MCC: variants seen among roughly 807,000 people sequenced by gnomAD.
The protein encoded by MCC is MCC regulator of Wnt signaling pathway.
In MCC, 90 loss-of-function variants were observed where a neutral mutation model predicts 116.2. The observed-to-expected ratio is 0.77, with a 90% CI of 0.65 to 0.92. The LOEUF (loss-of-function observed/expected upper bound fraction) is 0.92, where lower values mean the gene tolerates loss of function less well. MCC is among the 40% of genes least tolerant of loss of function. The pLI, the probability that MCC is intolerant of heterozygous loss-of-function variation, is 0.00. For synonymous variants in MCC, 578 were observed against 510.5 expected, an observed-to-expected ratio of 1.13 and a Z score of -1.78; for missense variants, 1,516 against 1,312.2, an observed-to-expected ratio of 1.16 and a Z score of -2.40.
intron 1 of MCC, among the ~76,000 whole-genome samples, chr5:113,419,370 T>C (rs902764542): frequency 1.3e-5 from 2 of 151,524 alleles, no homozygotes; most frequent in Non-Finnish European, 2.9e-5. Context: ...TTTTTCTTTT[T>C]TTTTTCTTGG....
intron 3 of MCC, among the ~76,000 whole-genome samples, chr5:113,308,145 T>C (rs1156708984): frequency 1.3e-5 from 2 of 152,092 alleles, no homozygotes; most frequent in Non-Finnish European, 2.9e-5. Flanking sequence ...GCTAATTTTT[T>C]ATATATATTG....
At chr5:113,045,935 C>T (rs1180542025) in intron 16 of MCC, among the ~76,000 whole-genome samples, 1 of 152,214 alleles carries the variant, frequency 6.6e-6, no homozygotes, top group East Asian at 1.9e-4. Context: ...AAATGACCCA[C>T]AAGCTCTACA....
intron 2 of MCC, among the ~76,000 whole-genome samples, chr5:113,353,028 C>G (rs764914216): frequency 9.2e-5 from 14 of 152,246 alleles, no homozygotes; most frequent in Non-Finnish European, 1.3e-4. Flanking sequence ...AGGGTTATGG[C>G]TCTGCTTTCT....
At chr5:113,394,764 C>T (rs752302250) in intron 1 of MCC, among the ~76,000 whole-genome samples, 2 of 152,168 alleles carry the variant, frequency 1.3e-5, no homozygotes, top group African/African-American at 2.4e-5. Flanking sequence ...GCTCAAGCTT[C>T]GATCACTTAC....
At chr5:113,039,853 G>C (rs948044599) in intron 17 of MCC, among the ~76,000 whole-genome samples, 1 of 151,984 alleles carries the variant, frequency 6.6e-6, no homozygotes, top group African/African-American at 2.4e-5. Flanking sequence ...AACACCATGT[G>C]AGTACAAAAA....
At chr5:113,122,401 G>A (rs1367483306) in intron 6 of MCC, among the ~76,000 whole-genome samples, 1 of 152,188 alleles carries the variant, frequency 6.6e-6, no homozygotes, top group Non-Finnish European at 1.5e-5. Flanking sequence ...AGATATTACT[G>A]TAATTTGGAA....
At chr5:113,159,267 T>C (rs1048167705) in intron 3 of MCC, among the ~76,000 whole-genome samples, 10 of 152,234 alleles carry the variant, frequency 6.6e-5, no homozygotes, top group Non-Finnish European at 1.3e-4. Context: ...TTCTGCACTA[T>C]GGGCTTTGCA....
intron 1 of MCC, chr5:113,432,961 A>C (rs936008908): frequency 6.6e-6 from 1 of 152,220 alleles, no homozygotes; most frequent in Non-Finnish European, 1.5e-5. Context: ...AGAAAAATCA[A>C]AACTGAATAA....
At chr5:113,055,413 T>C (rs1338672264) in intron 14 of MCC, among the ~76,000 whole-genome samples, 5 of 152,122 alleles carry the variant, frequency 3.3e-5, no homozygotes, top group African/African-American at 1.2e-4. Context: ...AGGCCCACTC[T>C]TGTACATGAC....
chr5:113,241,881 C>T (rs1365866797), intron 3 of MCC, among the ~76,000 whole-genome samples: 1 of 152,162 alleles, frequency 6.6e-6, no homozygotes, highest in East Asian at 1.9e-4. Context: ...GGCTCCAAAG[C>T]CCACCTGTTG....
intron 3 of MCC, among the ~76,000 whole-genome samples, chr5:113,255,986 C>T (rs755123861): frequency 1.2e-4 from 18 of 152,170 alleles, no homozygotes; most frequent in Non-Finnish European, 2.5e-4. Flanking sequence ...CATTTTTATC[C>T]ACCAACAAAC....
chr5:113,101,866 T>C lies in MCC; in HGVS notation c.1271A>G (p.Glu424Gly). The change falls in exon 8 of 19, where the codon GAG (glutamate) becomes GGG (glycine). Residue 424 changes from glutamate to glycine, a missense_variant. Physicochemically the swap from Glu to Gly is moderately conservative, Grantham distance 98. Transcript: ENST00000408903. ...LAEERSRWEK[E>G]LAGLREENES... Reference sequence around the variant, plus strand: ...ATTCTCTTCCCTCAGCCCAGCCAGCTCCTTCTCCCACCGAGACCTCTCTTC... The same window carrying C: ...ATTCTCTTCCCTCAGCCCAGCCAGCCCCTTCTCCCACCGAGACCTCTCTTC... 6.2e-7 allele frequency: 1 copy of C among 1,613,234 alleles called. No individual in the cohort carries two copies. The highest frequency in any genetic ancestry group is 1.1e-5 in the South Asian group (1 of 91,028).
chr5:113,350,390 C>T (rs1487970443), intron 2 of MCC, among the ~76,000 whole-genome samples: 1 of 152,060 alleles, frequency 6.6e-6, no homozygotes, highest in Non-Finnish European at 1.5e-5. Context: ...AACAAGTCCA[C>T]ACACTTACAG....
chr5:113,048,804 G>A, intron 16 of MCC: 1 of 502,230 alleles, frequency 2.0e-6, no homozygotes, highest in South Asian at 3.5e-5. Flanking sequence ...TTAGACGAAG[G>A]AGGTGAGAAC....
At chr5:113,087,210 A>G (rs541199790) in intron 8 of MCC, among the ~76,000 whole-genome samples, 2 of 152,356 alleles carry the variant, frequency 1.3e-5, no homozygotes, top group Non-Finnish European at 2.9e-5. Context: ...AAAGTAATTG[A>G]AATTTCAATA....
chr5:113,081,197 C>A lies in MCC; in HGVS notation c.1784+1663G>T, dbSNP rs549680651. 2.6e-5 allele frequency among the ~76,000 whole-genome samples: 4 copies of A among 152,190 alleles called. No individual in the cohort carries two copies. The South Asian group carries it at 8.3e-4, about 32-fold the overall frequency. The stretch of plus-strand genomic sequence containing the variant: ...TACTGGTAGCTTATTTCTAAGAACC[C>A]CCAGGTTCCCGCAGCAGCTAGGATC... On this transcript the variant is annotated intron_variant, in intron 11 of 18. Transcript: ENST00000408903.
chr5:113,392,936 C>G (rs150672209), intron 1 of MCC, among the ~76,000 whole-genome samples: 1 of 152,202 alleles, frequency 6.6e-6, no homozygotes, highest in African/African-American at 2.4e-5. Context: ...AGAAATGCAT[C>G]TACAATGTAT....
chr5:113,333,236 G>T (rs6873400), intron 3 of MCC, among the ~76,000 whole-genome samples: 82,165 of 151,408 alleles, frequency 0.54, 24,260 homozygotes, highest in African/African-American at 0.74. Context: ...GAAACGTGTG[G>T]ATGTGCAGTA....
intron 3 of MCC, among the ~76,000 whole-genome samples, chr5:113,288,966 C>G (rs1175307029): frequency 6.6e-6 from 1 of 152,084 alleles, no homozygotes; most frequent in Non-Finnish European, 1.5e-5. Context: ...TATTACAAAC[C>G]ACAAAATGAA....
Sources: gnomAD v4.1 joint callset for allele counts (sites outside exome capture counted in the v4.1 genomes callset) on GRCh38, gnomAD v4.1.1 for gene constraint, MANE v1.5 for transcripts, NCBI Gene and HGNC (gene_info 2026-07-23, HGNC 2026-07-21) for gene names.